Variants in CTIF observed in about 807,000 individuals in gnomAD.
CTIF encodes CBP80/20-dependent translation initiation factor.
A neutral mutation model predicts 66.0 loss-of-function variants in CTIF; 21 were observed. That is an observed-to-expected ratio of 0.32 (90% CI 0.23 to 0.46). CTIF has a LOEUF of 0.46. Ranked by LOEUF, CTIF falls within the 20% of genes least tolerant of loss-of-function variation. The pLI is 1.00. For missense variants in CTIF, 739 were observed against 812.7 expected, an observed-to-expected ratio of 0.91 and a Z score of 1.10; for synonymous variants, 345 against 326.4, an observed-to-expected ratio of 1.06 and a Z score of -0.62.
At chr18:48,686,749 C>G (rs767021369) in intron 6 of CTIF, among the ~76,000 whole-genome samples, 1 of 152,164 alleles carries the variant, frequency 6.6e-6, no homozygotes, top group Admixed American at 6.5e-5. Flanking sequence ...AACACCTGAG[C>G]CTTGCCTCTC....
intron 11 of CTIF, among the ~76,000 whole-genome samples, chr18:48,858,950 A>G (rs1184005893): frequency 6.6e-6 from 1 of 152,176 alleles, no homozygotes; most frequent in Admixed American, 6.5e-5. Context: ...GCAAGTGAAA[A>G]TGACCACAGG....
At chr18:48,766,908 C>A (rs1909616388) in intron 9 of CTIF, among the ~76,000 whole-genome samples, 1 of 152,248 alleles carries the variant, frequency 6.6e-6, no homozygotes, top group Non-Finnish European at 1.5e-5. Flanking sequence ...TCTCTCTGTC[C>A]TCAGCTCCTT....
intron 9 of CTIF, among the ~76,000 whole-genome samples, chr18:48,804,155 G>A (rs1011954545): frequency 1.3e-5 from 2 of 152,216 alleles, no homozygotes; most frequent in African/African-American, 4.8e-5. Context: ...GATACTTGGG[G>A]AAAGGTTCAA....
chr18:48,742,194 G>T (rs1161215740), intron 7 of CTIF, among the ~76,000 whole-genome samples: 1 of 152,234 alleles, frequency 6.6e-6, no homozygotes, highest in Non-Finnish European at 1.5e-5. Context: ...TTTCCCGAAG[G>T]AGACAACACA....
intron 7 of CTIF, chr18:48,755,928 C>T (rs1401750110): frequency 6.6e-6 from 1 of 152,174 alleles, no homozygotes; most frequent in Non-Finnish European, 1.5e-5. Flanking sequence ...GGCCAGGGAC[C>T]TTGGGAACTG....
intron 9 of CTIF, among the ~76,000 whole-genome samples, chr18:48,781,950 G>A (rs927360930): frequency 2.0e-5 from 3 of 152,156 alleles, no homozygotes; most frequent in African/African-American, 7.2e-5. Context: ...AAAGTGCCAC[G>A]TAAATGTTAA....
At chr18:48,848,875 G>A (rs781362755) in intron 10 of CTIF, among the ~76,000 whole-genome samples, 10 of 152,238 alleles carry the variant, frequency 6.6e-5, no homozygotes, top group Non-Finnish European at 1.5e-4. Context: ...ACAAGTCTCC[G>A]CCAGAGACAA....
intron 6 of CTIF, among the ~76,000 whole-genome samples, chr18:48,702,370 G>A (rs536714843): frequency 8.5e-4 from 129 of 152,294 alleles, no homozygotes; most frequent in Non-Finnish European, 1.2e-3. Context: ...GCTACCCTGC[G>A]CAAAATATTC....
At chr18:48,836,312 T>C (rs2068808270) in intron 10 of CTIF, among the ~76,000 whole-genome samples, 1 of 152,172 alleles carries the variant, frequency 6.6e-6, no homozygotes, top group Non-Finnish European at 1.5e-5. Flanking sequence ...GGCCCTGGGC[T>C]GCCCTTCAGG....
At chr18:48,817,607 C>T (rs569603759) in intron 10 of CTIF, among the ~76,000 whole-genome samples, 1 of 152,102 alleles carries the variant, frequency 6.6e-6, no homozygotes, top group Non-Finnish European at 1.5e-5. Flanking sequence ...GAAACCCCAT[C>T]TCTACTAAAA....
chr18:48,718,457 A>G (rs1436017038), intron 7 of CTIF, among the ~76,000 whole-genome samples: 6 of 152,184 alleles, frequency 3.9e-5, no homozygotes, highest in Admixed American at 2.6e-4. Context: ...TAATCAACCC[A>G]AGTCCGAAGG....
At chr18:48,667,551 G>A (rs2091457889) in intron 5 of CTIF, among the ~76,000 whole-genome samples, 4 of 152,190 alleles carry the variant, frequency 2.6e-5, no homozygotes, top group Admixed American at 1.3e-4. Context: ...TTGAAGGCAA[G>A]CTTGCCAAAG....
intron 1 of CTIF, among the ~76,000 whole-genome samples, chr18:48,583,931 T>C (rs1187890888): frequency 1.3e-5 from 2 of 152,236 alleles, no homozygotes; most frequent in African/African-American, 2.4e-5. Context: ...TGAAAACACA[T>C]ACTTTGTAGA....
At chr18:48,658,189 G>A (rs1314440865) in intron 3 of CTIF, among the ~76,000 whole-genome samples, 2 of 151,986 alleles carry the variant, frequency 1.3e-5, no homozygotes, top group Non-Finnish European at 2.9e-5. Context: ...AGGTGTATAT[G>A]TGTGTGCATG....
rs1300072446 is a variant in CTIF, at chr18:48,601,967, A to G, written c.-28-17571A>G. Among the ~76,000 whole-genome samples, 9 of 152,212 alleles carry G rather than the reference A, an allele frequency of 5.9e-5. No individual in the cohort carries two copies. In the South Asian group the frequency reaches 1.9e-3, roughly 32 times the overall value. ...TATGAAGAATTGGCTTGCTCGTTTCACTGATGCTAGGAGGCATGTTCATTT... is the reference window on the plus strand; with the variant it reads ...TATGAAGAATTGGCTTGCTCGTTTCGCTGATGCTAGGAGGCATGTTCATTT... On this transcript the variant is annotated intron_variant, in intron 1 of 11. Transcript: ENST00000256413.
At chr18:48,585,349 G>T (rs1278438029) in intron 1 of CTIF, among the ~76,000 whole-genome samples, 1 of 152,246 alleles carries the variant, frequency 6.6e-6, no homozygotes, top group African/African-American at 2.4e-5. Context: ...TGGGGAAAGT[G>T]GGCTTCTCTT....
intron 1 of CTIF, among the ~76,000 whole-genome samples, chr18:48,603,924 C>G (rs977150421): frequency 6.6e-6 from 1 of 150,912 alleles, no homozygotes; most frequent in African/African-American, 2.4e-5. Flanking sequence ...TCTTGGCTCA[C>G]TGCAACCTCC....
intron 7 of CTIF, among the ~76,000 whole-genome samples, chr18:48,748,005 G>A (rs1338134301): frequency 6.6e-6 from 1 of 151,950 alleles, no homozygotes; most frequent in Non-Finnish European, 1.5e-5. Context: ...CACCCCCATT[G>A]ACGGCCAAAG....
intron 7 of CTIF, among the ~76,000 whole-genome samples, chr18:48,739,519 C>A (rs1404605676): frequency 6.6e-6 from 1 of 152,220 alleles, no homozygotes; most frequent in Admixed American, 6.5e-5. Flanking sequence ...CACTCTCTGG[C>A]CTGTGGACGA....
Sources: allele counts gnomAD v4.1 joint callset (sites outside exome capture counted in the v4.1 genomes callset), GRCh38; gene constraint gnomAD v4.1.1; transcripts MANE v1.5; gene names NCBI Gene and HGNC (gene_info 2026-07-23, HGNC 2026-07-21).